The following BSCL2 variants were observed in gnomAD, a reference collection of about 807,000 sequenced individuals.
BSCL2 encodes the protein BSCL2 lipid droplet biogenesis associated, seipin.
Under a neutral mutation model 57.4 loss-of-function variants are expected in BSCL2, and 41 were observed. That is an observed-to-expected ratio of 0.71 (90% CI 0.56 to 0.93). The LOEUF is 0.93. BSCL2 is among the 40% of genes least tolerant of loss of function. The probability of loss-of-function intolerance (pLI) is 0.00; values close to 1 mark genes in which losing one functional copy is unlikely to be tolerated. For synonymous variants in BSCL2, 237 were observed against 227.3 expected (o/e 1.04, Z -0.38); for missense variants, 539 against 586.7 (o/e 0.92, Z 0.84).
upstream of BSCL2, chr11:62,708,873 T>A (rs1206861982): frequency 8.0e-7 from 1 of 1,247,208 alleles, no homozygotes; most frequent in African/African-American, 1.5e-5. Flanking sequence ...GGTCAGTAAT[T>A]GTTGTGAGCC....
At chr11:62,700,337 C>T (rs1397579956) in intron 3 of BSCL2, among the ~76,000 whole-genome samples, 2 of 152,092 alleles carry the variant, frequency 1.3e-5, no homozygotes, top group East Asian at 3.9e-4. Flanking sequence ...CTCCAAAGTA[C>T]CACTTTTGAA....
upstream of BSCL2, chr11:62,707,840 C>T (rs2083567693): frequency 4.0e-6 from 1 of 251,576 alleles, no homozygotes; most frequent in Admixed American, 5.0e-5. Context: ...GGGTGGGGCA[C>T]CCATTTCAGG....
intron 1 of BSCL2, 130 bp from the exon 2 acceptor site, chr11:62,705,747 C>G: frequency 1.1e-6 from 1 of 928,182 alleles, no homozygotes; most frequent in Middle Eastern, 3.5e-4. Context: ...TATATATGGC[C>G]TTTCTCCAAA....
intron 6 of BSCL2, among the ~76,000 whole-genome samples, chr11:62,691,851 C>T (rs1459949960): frequency 6.6e-6 from 1 of 152,048 alleles, no homozygotes; most frequent in East Asian, 1.9e-4. Flanking sequence ...GAGATTGAGA[C>T]CATCCTGGCT....
chr11:62,692,517 C>A (rs761718623), intron 5 of BSCL2, 44 bp from the exon 6 acceptor site: 2 of 1,609,074 alleles, frequency 1.2e-6, no homozygotes, highest in African/African-American at 2.7e-5. Context: ...CAGGGTCCTG[C>A]CGCTAGCACT....
chr11:62,703,438 G>A (rs918782570), intron 2 of BSCL2, among the ~76,000 whole-genome samples: 62 of 137,702 alleles, frequency 4.5e-4, no homozygotes, highest in Middle Eastern at 4.1e-3. Context: ...TGCAAGCTCC[G>A]CTTCCCAGGT....
At position 62,694,605 on chromosome 11, in the gene BSCL2, G is replaced by T; in HGVS notation, c.593C>A (p.Thr198Asn). The change falls in exon 4 of 11, where the codon ACC (threonine) becomes AAC (asparagine). Residue 198 changes from threonine (T) to asparagine (N), a missense_variant. Around this residue, in one of 3 missense-constraint regions of BSCL2, gnomAD observed 73 missense variants for 122.0 expected, o/e 0.60. Transcript: ENST00000360796. ...AGTGGAGATGATTCGGCCACCTCTGGTGTAGCAGGAAATGGTGACCAAGAA... is the reference window on the plus strand; with the variant it reads ...AGTGGAGATGATTCGGCCACCTCTGTTGTAGCAGGAAATGGTGACCAAGAA... Reference protein sequence around the residue: ...GMFLVTISCYTRGGRIISTSS... With the variant: ...GMFLVTISCYNRGGRIISTSS... 6.2e-7 allele frequency: 1 copy of T among 1,614,086 alleles called. No homozygotes were observed.
chr11:62,705,353 AG>A lies in BSCL2; in HGVS notation c.351del (p.Tyr118IlefsTer38). 6.2e-7 allele frequency: 1 copy of A among 1,614,082 alleles called. No individual in the cohort carries two copies. Among genetic ancestry groups the A allele is most frequent in the Non-Finnish European group, 8.5e-7 (1 of 1,179,974 alleles). On this transcript the variant is annotated frameshift_variant, in exon 2 of 11. Transcript: ENST00000360796. LOFTEE classifies it high-confidence loss of function. ...WVSVFLYGSF[Y>X]YSYMPTVSHL... The stretch of plus-strand genomic sequence containing the variant: ...TGGCTGACTGTCGGCATATAGGAAT[AG>A]TAGAAGGAGCCATAGAGGAAGACAG...
Position 62,705,075 on chromosome 11 carries a change from CT to C in BSCL2, c.404+225del, listed in dbSNP as rs566098807. Among the ~76,000 whole-genome samples the C allele has an allele frequency of 0.042, 5,527 of 132,970 alleles. 246 individuals carry two copies. The highest frequency in any genetic ancestry group is 0.12 in the African/African-American group (4,430 of 36,164). The allele number at this position is 132,970 out of a possible 152,430, so 87.2% of individuals were successfully genotyped here. ...ATAATGATAGAAGTGGATATTTTTC[CT>C]TTTTTTTTTTTTTTTTTTAACCAGA... is the stretch of plus-strand genomic sequence containing the variant. On this transcript the variant is annotated intron_variant, in intron 2 of 10. Coordinates refer to ENST00000360796, the MANE Select transcript of BSCL2 (RefSeq NM_001122955.4).
Position 62,691,506 on chromosome 11 carries a change from C to A in BSCL2, c.864-85G>T, listed in dbSNP as rs1945310253. ...CATGTCCCAGAAATAATTTCTAGGG[C>A]AATTCAAGTGAGTTTGGTTACAGCT... is the stretch of plus-strand genomic sequence containing the variant. On this transcript the variant is annotated intron_variant, in intron 6 of 10. Coordinates refer to ENST00000360796, the MANE Select transcript of BSCL2 (RefSeq NM_001122955.4). 2.0e-6 allele frequency: 3 copies of A among 1,527,800 alleles called. No homozygotes were observed. The South Asian group carries it at 3.4e-5, about 17-fold the overall frequency. 94.6% of individuals were successfully genotyped at this position (1,527,800 alleles called of 1,614,324 possible). A position where few individuals can be genotyped will look rare whatever the true frequency, so the allele number is the denominator to read the frequency against.
chr11:62,707,512 T>G, upstream of BSCL2: 1 of 628,972 alleles, frequency 1.6e-6, no homozygotes, highest in Non-Finnish European at 2.9e-6. Flanking sequence ...GAGTCGGCCT[T>G]GGCCTCAGCT....
At chr11:62,704,369 T>TA (rs71056549) in intron 2 of BSCL2, among the ~76,000 whole-genome samples, 8,053 of 81,662 alleles carry the variant, frequency 0.099, 463 homozygotes, top group Non-Finnish European at 0.14. Flanking sequence ...CCATCTCTAC[T>TA]AAAAAAAAAA....
Position 62,691,516 on chromosome 11 carries a change from G to A in BSCL2, c.864-95C>T. 8 of 1,479,532 alleles carry A rather than the reference G, an allele frequency of 5.4e-6. No individual in the cohort carries two copies. The South Asian group carries it at 7.0e-5, about 13-fold the overall frequency. 91.7% of individuals were successfully genotyped at this position (1,479,532 alleles called of 1,614,324 possible). ...AAATAATTTCTAGGGCAATTCAAGT[G>A]AGTTTGGTTACAGCTGGCTCTGTCA... On this transcript the variant is annotated intron_variant, in intron 6 of 10. Coordinates refer to ENST00000360796, the MANE Select transcript of BSCL2 (RefSeq NM_001122955.4).
rs73483955 is a variant in BSCL2, at chr11:62,694,504, C to A, written c.630+64G>T. The A allele has an allele frequency of 2.1e-3, 3,448 of 1,611,540 alleles. 65 individuals carry two copies. The African/African-American group carries it at 0.04, about 19-fold the overall frequency. On this transcript the variant is annotated intron_variant, in intron 4 of 10. Coordinates refer to ENST00000360796, the MANE Select transcript of BSCL2 (RefSeq NM_001122955.4). Reference sequence around the variant, plus strand: ...ATAGGCCTGAGCCACCACACCCAGCCCCCTACCCATTCTGATCCTGCCATC... The same window carrying A: ...ATAGGCCTGAGCCACCACACCCAGCACCCTACCCATTCTGATCCTGCCATC...
At chr11:62,697,392 A>G (rs1945503512) in intron 3 of BSCL2, 5 of 151,466 alleles carry the variant, frequency 3.3e-5, no homozygotes, top group Admixed American at 3.3e-4. Context: ...CTCAAAAAAA[A>G]AAAAAAAAAA....
At chr11:62,704,810 A>G (rs899169260) in intron 2 of BSCL2, among the ~76,000 whole-genome samples, 4 of 152,226 alleles carry the variant, frequency 2.6e-5, no homozygotes, top group Non-Finnish European at 5.9e-5. Context: ...GGGGCCAGTC[A>G]AGACGCAAGA....
intron 1 of BSCL2, chr11:62,705,835 T>C (rs2083521410): frequency 1.4e-5 from 8 of 558,260 alleles, no homozygotes; most frequent in Non-Finnish European, 2.5e-5. Context: ...ATCTCCTCAG[T>C]GGAATTCCTT....
chr11:62,703,354 T>G lies in BSCL2; in HGVS notation c.405-805A>C, dbSNP rs924933353. Among the ~76,000 whole-genome samples the G allele has an allele frequency of 1.3e-4, 19 of 141,934 alleles. No homozygotes were observed. The East Asian group carries it at 3.1e-3, about 23-fold the overall frequency. The allele number at this position is 141,934 out of a possible 152,430, so 93.1% of individuals were successfully genotyped here. ...GCCTGGGCATGCATATACGTTTTTTTTTTTTTTTTTTTTTTGAGACGGAGT... is the reference window on the plus strand; with the variant it reads ...GCCTGGGCATGCATATACGTTTTTTGTTTTTTTTTTTTTTTGAGACGGAGT... On this transcript the variant is annotated intron_variant, in intron 2 of 10. Coordinates refer to ENST00000360796, the MANE Select transcript of BSCL2 (RefSeq NM_001122955.4).
chr11:62,697,177 G>A (rs902513454), intron 3 of BSCL2, among the ~76,000 whole-genome samples: 1 of 145,224 alleles, frequency 6.9e-6, no homozygotes, highest in Non-Finnish European at 1.5e-5. Context: ...GGCAGAAGAC[G>A]AGGTCAGGAG....
Sources: gnomAD v4.1 joint callset for allele counts (sites outside exome capture counted in the v4.1 genomes callset) on GRCh38, gnomAD v4.1.1 for gene constraint, gnomAD v4.1.1 regional missense constraint, MANE v1.5 for transcripts, NCBI Gene and HGNC (gene_info 2026-07-23, HGNC 2026-07-21) for gene names.